The following NSF variants were observed in gnomAD, a reference collection of about 807,000 sequenced individuals.
The protein encoded by NSF is vesicle-fusing ATPase.
Under a neutral mutation model 50.3 loss-of-function variants are expected in NSF, and 14 were observed. That is an observed-to-expected ratio of 0.28 (90% CI 0.18 to 0.44). The LOEUF (loss-of-function observed/expected upper bound fraction) is 0.44, where lower values mean the gene tolerates loss of function less well. Among genes scored for constraint, NSF ranks in the 20% least tolerant of loss-of-function variants. The pLI is 1.00. For missense variants in NSF, 218 were observed against 504.3 expected, an observed-to-expected ratio of 0.43 and a Z score of 5.44; for synonymous variants, 109 against 175.7, an observed-to-expected ratio of 0.62 and a Z score of 3.00.
At chr17:46,722,152 C>T (rs1210827521) in intron 15 of NSF, 7 of 1,611,754 alleles carry the variant, frequency 4.3e-6, no homozygotes, top group Middle Eastern at 2.3e-4. Flanking sequence ...ACGATCTTGG[C>T]GCTCGAACTG....
chr17:46,712,240 AT>A (rs2058726787), intron 14 of NSF, among the ~76,000 whole-genome samples: 1 of 152,208 alleles, frequency 6.6e-6, no homozygotes, highest in Non-Finnish European at 1.5e-5. Context: ...CCTCATTATT[AT>A]TGTCAATCAT....
intron 17 of NSF, among the ~76,000 whole-genome samples, chr17:46,740,662 C>CT (rs36000135): frequency 1.2e-3 from 165 of 137,080 alleles, no homozygotes; most frequent in Middle Eastern, 3.7e-3. Flanking sequence ...TTATCTTTTT[C>CT]TTTTTTTTTT....
intron 17 of NSF, among the ~76,000 whole-genome samples, chr17:46,748,566 G>C (rs1215474299): frequency 3.3e-5 from 5 of 152,134 alleles, no homozygotes; most frequent in African/African-American, 4.8e-5. Context: ...CATAGACAGG[G>C]GAATAGATGA....
intron 17 of NSF, among the ~76,000 whole-genome samples, chr17:46,739,406 G>A (rs1170642655): frequency 6.8e-6 from 1 of 147,972 alleles, no homozygotes; most frequent in Non-Finnish European, 1.5e-5. Context: ...AAGCATGGTG[G>A]TGCACACCTG....
chr17:46,690,516 G>A (rs868831785), intron 9 of NSF, among the ~76,000 whole-genome samples: 2 of 58,646 alleles, frequency 3.4e-5, no homozygotes, highest in African/African-American at 1.6e-4. Context: ...GGAGTCTGAG[G>A]CAGGAGAATG....
chr17:46,731,598 G>A (rs774157271), intron 17 of NSF, among the ~76,000 whole-genome samples: 5 of 152,176 alleles, frequency 3.3e-5, no homozygotes, highest in Non-Finnish European at 5.9e-5. Flanking sequence ...TCCAAGGTAC[G>A]TGGCCCAGCT....
chr17:46,722,978 T>C (rs2058848208), intron 15 of NSF, among the ~76,000 whole-genome samples: 1 of 152,204 alleles, frequency 6.6e-6, no homozygotes, highest in South Asian at 2.1e-4. Flanking sequence ...TACTTGATAT[T>C]AAGTGACTGC....
chr17:46,737,006 CG>C (rs1568054579), intron 17 of NSF, among the ~76,000 whole-genome samples: 1 of 152,110 alleles, frequency 6.6e-6, no homozygotes, highest in East Asian at 1.9e-4. Context: ...GAAAGGAGAT[CG>C]GAAGTTTCTT....
At chr17:46,601,893 A>AG (rs201570451) in intron 1 of NSF, among the ~76,000 whole-genome samples, 2 of 148,872 alleles carry the variant, frequency 1.3e-5, no homozygotes, top group Non-Finnish European at 2.9e-5. Context: ...AAAAAAAAAA[A>AG]GACACTTTGG....
At chr17:46,631,061 T>TACACACACACACACACACACACACACAC (rs61399986) in intron 4 of NSF, among the ~76,000 whole-genome samples, 7 of 122,848 alleles carry the variant, frequency 5.7e-5, no homozygotes, top group Non-Finnish European at 1.1e-4. Context: ...TCTCTCTCTG[T>TACACACACACACACACACACACACACAC]ACACACACAC....
At chr17:46,751,123 T>C (rs561455977) in intron 18 of NSF, among the ~76,000 whole-genome samples, 12 of 152,178 alleles carry the variant, frequency 7.9e-5, no homozygotes, top group Non-Finnish European at 1.3e-4. Context: ...AGGTTACCCA[T>C]GTAGACAGCT....
intron 17 of NSF, among the ~76,000 whole-genome samples, chr17:46,730,742 A>T (rs2058940837): frequency 6.6e-6 from 1 of 152,164 alleles, no homozygotes; most frequent in Non-Finnish European, 1.5e-5. Flanking sequence ...TTTAGACAGG[A>T]TATGATAAGA....
chr17:46,706,704 A>G (rs559925549), intron 13 of NSF, among the ~76,000 whole-genome samples: 1 of 144,798 alleles, frequency 6.9e-6, no homozygotes, highest in Non-Finnish European at 1.5e-5. Context: ...TTATTTAGGA[A>G]TAAAATTATT....
chr17:46,722,763 T>C (rs1362034574), intron 15 of NSF, among the ~76,000 whole-genome samples: 1 of 152,042 alleles, frequency 6.6e-6, no homozygotes, highest in Non-Finnish European at 1.5e-5. Context: ...GAAAAAGGGA[T>C]GTGTGTGTAT....
intron 17 of NSF, among the ~76,000 whole-genome samples, chr17:46,748,823 G>A (rs2146336449): frequency 6.6e-6 from 1 of 152,248 alleles, no homozygotes; most frequent in Admixed American, 6.5e-5. Flanking sequence ...AAGCAAAGGG[G>A]AAAAAGGCAA....
Position 46,751,491 on chromosome 17 carries a change from T to C in NSF, c.2044-12T>C, listed in dbSNP as rs749238369. 1.8e-5 allele frequency: 29 copies of C among 1,602,252 alleles called. 1 individual carries two copies. The Admixed American group carries it at 4.7e-4, about 26-fold the overall frequency. On this transcript the variant is annotated splice_polypyrimidine_tract_variant and intron_variant, in intron 18 of 20. Coordinates refer to ENST00000398238, the MANE Select transcript of NSF (RefSeq NM_006178.4). ...GTAAAAGTGCTTTGATTATTGTTTATTGTTTTTGTAGCTTTTGGGCAACTT... is the reference window on the plus strand; with the variant it reads ...GTAAAAGTGCTTTGATTATTGTTTACTGTTTTTGTAGCTTTTGGGCAACTT...
At chr17:46,711,693 A>G (rs2058720808) in intron 14 of NSF, among the ~76,000 whole-genome samples, 3 of 152,236 alleles carry the variant, frequency 2.0e-5, no homozygotes, top group Non-Finnish European at 4.4e-5. Context: ...ATTAATTTAC[A>G]GTTATAATTA....
intron 9 of NSF, among the ~76,000 whole-genome samples, chr17:46,687,375 A>G (rs2058502609): frequency 6.6e-6 from 1 of 151,116 alleles, no homozygotes; most frequent in Non-Finnish European, 1.5e-5. Flanking sequence ...TAACTCTTTA[A>G]TCTTATCATG....
chr17:46,685,317 G>A (rs551080849), intron 9 of NSF, among the ~76,000 whole-genome samples: 2,057 of 149,032 alleles, frequency 0.014, 37 homozygotes, highest in East Asian at 0.023. Context: ...TTTCCAGTTC[G>A]ATATTAATTA....
Sources: gnomAD v4.1 joint callset for allele counts (sites outside exome capture counted in the v4.1 genomes callset) on GRCh38, gnomAD v4.1.1 for gene constraint, MANE v1.5 for transcripts, NCBI Gene and HGNC (gene_info 2026-07-23, HGNC 2026-07-21) for gene names.